Variants in MYH10 observed in about 807,000 individuals in gnomAD.
MYH10 encodes the protein myosin heavy chain 10.
In MYH10, 55 loss-of-function variants were observed where a neutral mutation model predicts 257.8. The observed-to-expected ratio is 0.21, with a 90% CI of 0.17 to 0.27. The LOEUF (loss-of-function observed/expected upper bound fraction) is 0.27. Among genes scored for constraint, MYH10 ranks in the 10% least tolerant of loss-of-function variants. The pLI is 1.00. For synonymous variants in MYH10, 854 were observed against 921.7 expected (o/e 0.93, Z 1.33); for missense variants, 1,631 against 2,500.6 (o/e 0.65, Z 7.42).
At chr17:8,629,807 G>A (rs576240075) in intron 1 of MYH10, among the ~76,000 whole-genome samples, 1 of 151,536 alleles carries the variant, frequency 6.6e-6, no homozygotes, top group East Asian at 2.0e-4. Context: ...CCCTCAAACC[G>A]CCTGGGCCTC....
At chr17:8,514,176 T>C (rs1333530669) in intron 21 of MYH10, among the ~76,000 whole-genome samples, 4 of 152,156 alleles carry the variant, frequency 2.6e-5, no homozygotes, top group African/African-American at 9.7e-5. Flanking sequence ...CACTCAGCCA[T>C]ATACCCACAC....
At chr17:8,476,103 C>T (rs1283084634) in intron 42 of MYH10, among the ~76,000 whole-genome samples, 155 bp from the exon 43 acceptor site, 6 of 152,220 alleles carry the variant, frequency 3.9e-5, no homozygotes, top group Non-Finnish European at 5.9e-5. Flanking sequence ...GGAAGGACTG[C>T]GTGCTTTTCT....
At chr17:8,614,307 CTTTTTTTTT>C (rs35801623) in intron 2 of MYH10, among the ~76,000 whole-genome samples, 34 of 77,130 alleles carry the variant, frequency 4.4e-4, no homozygotes, top group African/African-American at 1.6e-3. Context: ...CAATTCACTT[CTTTTTTTTT>C]TTTTTTTTTT....
intron 3 of MYH10, among the ~76,000 whole-genome samples, chr17:8,591,919 G>C (rs1165896118): frequency 6.6e-6 from 1 of 152,152 alleles, no homozygotes; most frequent in Non-Finnish European, 1.5e-5. Context: ...CTCCAACTCT[G>C]TGATCAACTC....
Position 8,490,356 on chromosome 17 carries a change from C to A in MYH10, c.4868G>T (p.Arg1623Leu). 6.2e-7 allele frequency: 1 copy of A among 1,613,878 alleles called. No homozygotes were observed. The highest frequency in any genetic ancestry group is 1.3e-5 in the African/African-American group (1 of 75,038). ...CTGCCCTACCTGTTTGATCAGCAGC[C>A]GCTTCTTCTCTTCATTCTGCTCATC... ...TRDEQNEEKK[R>L]LLIKQVRELE... is the part of the protein sequence containing the mutation. The change falls in exon 35 of 43, where the codon CGG (arginine) becomes CTG (leucine). Residue 1623 changes from arginine (R) to leucine (L), a missense_variant. Coordinates refer to ENST00000360416, the MANE Select transcript of MYH10 (RefSeq NM_001256012.3). The surrounding 1 kb of genome is among the most constrained non-coding windows in gnomAD (Gnocchi z 4.1).
At chr17:8,573,741 G>T in intron 6 of MYH10, 1 of 658,634 alleles carries the variant, frequency 1.5e-6, no homozygotes, top group Non-Finnish European at 1.9e-6. Flanking sequence ...AAAGTTCATA[G>T]ATAAATGTTT....
Position 8,477,004 on chromosome 17 carries a change from C to T in MYH10, c.5751G>A (p.Leu1917=), listed in dbSNP as rs768521521. The T allele has an allele frequency of 7.4e-6, 12 of 1,614,092 alleles. No individual in the cohort carries two copies. The East Asian group carries it at 2.5e-4, about 33-fold the overall frequency. ...NARMKQLKRQ[L]EEAEEEATRA... ...GCGTCGCTTCTTCTTCTGCTTCCTC[C>T]AGCTGGCGTTTAAGCTGCTTCATCC... Residue 1917 remains leucine, a synonymous_variant, in exon 42 of 43, where the codon CTG becomes CTA. Transcript: ENST00000360416. This position sits in a 1 kb window ranked among gnomAD's most constrained non-coding sequence, Gnocchi z 4.2.
chr17:8,508,698 G>T, intron 25 of MYH10, 21 bp from the exon 26 acceptor site: 1 of 1,612,588 alleles, frequency 6.2e-7, no homozygotes. Flanking sequence ...AAAATTGACT[G>T]CTTCAGAAAA....
intron 17 of MYH10, among the ~76,000 whole-genome samples, chr17:8,523,599 G>A (rs897485368): frequency 6.6e-6 from 1 of 152,156 alleles, no homozygotes; most frequent in African/African-American, 2.4e-5. Context: ...GTGTGAGGAG[G>A]AGCTTATGAC....
chr17:8,565,462 T>C (rs999399770), intron 7 of MYH10, among the ~76,000 whole-genome samples: 8 of 152,316 alleles, frequency 5.3e-5, no homozygotes, highest in Middle Eastern at 3.4e-3. Flanking sequence ...GGTAACACCT[T>C]ATGATAACAG....
In MYH10 at chr17:8,506,258, A is replaced by G. The variant is rs1274358868; in HGVS notation, c.3386+60T>C. The G allele has an allele frequency of 2.0e-6, 3 of 1,500,972 alleles. No individual in the cohort carries two copies. Among genetic ancestry groups the G allele is most frequent in the Non-Finnish European group, 2.7e-6 (3 of 1,130,844 alleles). The allele number at this position is 1,500,972 out of a possible 1,614,324, so 93.0% of individuals were successfully genotyped here. The stretch of plus-strand genomic sequence containing the variant: ...GTTTTTGAATGCTCCCGAACATAAC[A>G]AAGTCTGCTGAAACTCAGCCCCATG... On this transcript the variant is annotated intron_variant, in intron 27 of 42. Coordinates refer to ENST00000360416, the MANE Select transcript of MYH10 (RefSeq NM_001256012.3). This position sits in a 1 kb window ranked among gnomAD's most constrained non-coding sequence, Gnocchi z 5.0.
At chr17:8,576,475 G>T in intron 6 of MYH10, 168 bp downstream of exon 6, 1 of 569,980 alleles carries the variant, frequency 1.8e-6, no homozygotes, top group Non-Finnish European at 3.0e-6. Flanking sequence ...AACGGCATGC[G>T]CTTCTCAAGA....
chr17:8,592,933 C>A (rs865819998), intron 3 of MYH10, among the ~76,000 whole-genome samples: 3 of 44,710 alleles, frequency 6.7e-5, no homozygotes, highest in African/African-American at 1.9e-4. Flanking sequence ...TCAAATCCAG[C>A]TATATATATA....
At chr17:8,587,539 G>A (rs1404465093) in intron 4 of MYH10, among the ~76,000 whole-genome samples, 5 of 151,948 alleles carry the variant, frequency 3.3e-5, no homozygotes, top group South Asian at 2.1e-4. Context: ...CTACTTACCC[G>A]CATTGGTACT....
intron 2 of MYH10, among the ~76,000 whole-genome samples, chr17:8,618,915 T>C (rs2085364485): frequency 6.6e-6 from 1 of 152,216 alleles, no homozygotes; most frequent in Non-Finnish European, 1.5e-5. Context: ...ACAAATACAG[T>C]CGGTTGTTTT....
intron 28 of MYH10, among the ~76,000 whole-genome samples, chr17:8,501,804 T>C (rs1443904110): frequency 6.6e-6 from 1 of 152,244 alleles, no homozygotes; most frequent in African/African-American, 2.4e-5. Context: ...CACTTTACGG[T>C]ATGAAGATCA....
chr17:8,601,775 C>T (rs1224963399), intron 3 of MYH10, among the ~76,000 whole-genome samples: 3 of 152,172 alleles, frequency 2.0e-5, no homozygotes, highest in Admixed American at 6.5e-5. Context: ...GTGCCAGGCA[C>T]ACAACTGCAT....
intron 6 of MYH10, among the ~76,000 whole-genome samples, chr17:8,574,961 T>C (rs146987867): frequency 3.7e-4 from 56 of 152,278 alleles, no homozygotes; most frequent in African/African-American, 1.3e-3. Context: ...GGAAGAAAAA[T>C]TGAGAACGAG....
rs146351511 is a variant in MYH10 at position 8,573,739 on chromosome 17, T to C, written c.663+2904A>G. ...TTATAAAAAGTACACCAAAAGTTCATAGATAAATGTTTATTTCAAGTTAAG... is the reference window on the plus strand; with the variant it reads ...TTATAAAAAGTACACCAAAAGTTCACAGATAAATGTTTATTTCAAGTTAAG... On this transcript the variant is annotated intron_variant, in intron 6 of 42. Transcript: ENST00000360416. 3.3e-5 allele frequency: 21 copies of C among 642,856 alleles called. 2 individuals are homozygous for C. The East Asian group carries it at 2.8e-3, about 84-fold the overall frequency. The allele number at this position is 642,856 out of a possible 1,614,324, so 39.8% of individuals were successfully genotyped here.
Sources: allele counts gnomAD v4.1 joint callset (sites outside exome capture counted in the v4.1 genomes callset), GRCh38; gene constraint gnomAD v4.1.1; non-coding constraint Gnocchi (gnomAD v3.1); transcripts MANE v1.5; gene names NCBI Gene and HGNC (gene_info 2026-07-23, HGNC 2026-07-21).